The following SLC25A25 variants were observed in gnomAD, a reference collection of about 807,000 sequenced individuals.
SLC25A25 encodes solute carrier family 25 member 25, also known as mitochondrial adenyl nucleotide antiporter SLC25A25.
In SLC25A25, 32 loss-of-function variants were observed where a neutral mutation model predicts 57.7. The ratio of observed to expected loss-of-function variants is 0.55; its 90% CI spans 0.42 to 0.74. The LOEUF (loss-of-function observed/expected upper bound fraction) is 0.74, where lower values mean the gene tolerates loss of function less well. Among genes scored for constraint, SLC25A25 ranks in the 30% least tolerant of loss-of-function variants. The pLI is 0.00. For missense variants in SLC25A25, 556 were observed against 701.3 expected, an observed-to-expected ratio of 0.79 and a Z score of 2.34; for synonymous variants, 306 against 291.2, an observed-to-expected ratio of 1.05 and a Z score of -0.52.
intron 1 of SLC25A25, among the ~76,000 whole-genome samples, chr9:128,096,519 A>G (rs1833563101): frequency 8.6e-6 from 1 of 116,672 alleles, no homozygotes; most frequent in Non-Finnish European, 1.9e-5. Flanking sequence ...CAAAAATAAT[A>G]ATAATAATGA....
Position 128,102,547 on chromosome 9 carries a change from G to A in SLC25A25, c.624+66G>A, listed in dbSNP as rs1443006336. 6.0e-6 allele frequency: 8 copies of A among 1,340,112 alleles called. No homozygotes were observed. The highest frequency in any genetic ancestry group is 2.9e-5 in the African/African-American group (2 of 68,864). The allele number at this position is 1,340,112 out of a possible 1,614,324, so 83.0% of individuals were successfully genotyped here. A position where few individuals can be genotyped will look rare whatever the true frequency, so the allele number is the denominator to read the frequency against. ...ACCCTTAGCCCAGAGTCACCCAGTC[G>A]TCCCCATCCCAGAGTGCAGCTGGGG... is the stretch of plus-strand genomic sequence containing the variant. On this transcript the variant is annotated intron_variant, in intron 5 of 10. Coordinates refer to ENST00000373069, the MANE Select transcript of SLC25A25 (RefSeq NM_001330988.2). This position sits in a 1 kb window ranked among gnomAD's most constrained non-coding sequence, Gnocchi z 4.1.
At chr9:128,069,807 A>T (rs1198953965) in intron 1 of SLC25A25, among the ~76,000 whole-genome samples, 5 of 152,158 alleles carry the variant, frequency 3.3e-5, no homozygotes, top group South Asian at 2.1e-4. Flanking sequence ...GCTGGAGTGC[A>T]TTGGTGCAAT....
At chr9:128,104,557 C>T (rs1180762865) in intron 6 of SLC25A25, among the ~76,000 whole-genome samples, 2 of 152,238 alleles carry the variant, frequency 1.3e-5, no homozygotes, top group Non-Finnish European at 2.9e-5. Context: ...ACCCCTTTCC[C>T]TCCCAGGACT....
At chr9:128,091,315 G>A in intron 1 of SLC25A25, 2 of 482,544 alleles carry the variant, frequency 4.1e-6, no homozygotes, top group Non-Finnish European at 5.4e-6. Context: ...CAGAATTGCC[G>A]GGCTTCATGC....
Position 128,103,871 on chromosome 9 carries a change from G to A in SLC25A25, c.783+32G>A. ...AGGGAAAAGGCCCCAGACCCCTGGGGGGCCAGTTTCCACCTGGGGGATGCT... is the reference window on the plus strand; with the variant it reads ...AGGGAAAAGGCCCCAGACCCCTGGGAGGCCAGTTTCCACCTGGGGGATGCT... On this transcript the variant is annotated intron_variant, in intron 6 of 10. Coordinates refer to ENST00000373069, the MANE Select transcript of SLC25A25 (RefSeq NM_001330988.2). The surrounding 1 kb of genome is among the most constrained non-coding windows in gnomAD (Gnocchi z 6.7). 1 of 1,499,194 alleles carries A rather than the reference G, an allele frequency of 6.7e-7. No homozygotes were observed. Among genetic ancestry groups the A allele is most frequent in the South Asian group, 1.3e-5 (1 of 74,484 alleles). 92.9% of individuals were successfully genotyped at this position (1,499,194 alleles called of 1,614,324 possible). A position where few individuals can be genotyped will look rare whatever the true frequency, so the allele number is the denominator to read the frequency against.
intron 1 of SLC25A25, among the ~76,000 whole-genome samples, chr9:128,074,381 G>A (rs1832967008): frequency 6.6e-6 from 1 of 151,668 alleles, no homozygotes; most frequent in African/African-American, 2.4e-5. Flanking sequence ...TTGGAAAGAT[G>A]CAGTCCCATA....
At chr9:128,077,841 C>T (rs1242310855) in intron 1 of SLC25A25, among the ~76,000 whole-genome samples, 1 of 151,976 alleles carries the variant, frequency 6.6e-6, no homozygotes, top group Non-Finnish European at 1.5e-5. Flanking sequence ...GCCTGGCCAA[C>T]ATGTAGAAAC....
intron 1 of SLC25A25, among the ~76,000 whole-genome samples, chr9:128,076,337 C>T (rs534465109): frequency 8.7e-4 from 133 of 152,038 alleles, no homozygotes; most frequent in Middle Eastern, 3.4e-3. Context: ...TCCTATGTTG[C>T]TCAGGCTGGT....
rs1833813033 is a variant in SLC25A25 at position 128,101,909 on chromosome 9, C to T, written c.477-171C>T. Among the ~76,000 whole-genome samples the T allele has an allele frequency of 1.3e-5, 2 of 152,250 alleles. No homozygotes were observed. Among genetic ancestry groups the T allele is most frequent in the Admixed American group, 1.3e-4 (2 of 15,286 alleles). On this transcript the variant is annotated intron_variant, in intron 3 of 10. Coordinates refer to ENST00000373069, the MANE Select transcript of SLC25A25 (RefSeq NM_001330988.2). This position sits in a 1 kb window ranked among gnomAD's most constrained non-coding sequence, Gnocchi z 4.9. ...CCTTCCGGAAACCCTGCGGTCTGAA[C>T]ACTGGCTGGTCCTCGGGGACAGCAG...
chr9:128,089,415 G>C (rs952928654), intron 1 of SLC25A25, among the ~76,000 whole-genome samples: 3 of 152,148 alleles, frequency 2.0e-5, no homozygotes, highest in Admixed American at 2.0e-4. Flanking sequence ...GAAGCACAGA[G>C]AGCTGAAGTA....
chr9:128,077,238 C>T (rs1298347828), intron 1 of SLC25A25, among the ~76,000 whole-genome samples: 2 of 152,176 alleles, frequency 1.3e-5, no homozygotes, highest in Non-Finnish European at 2.9e-5. Flanking sequence ...TTGAAAGAAG[C>T]CAGTCGCGGC....
chr9:128,105,787 G>A lies in SLC25A25; in HGVS notation c.842G>A (p.Arg281Gln), dbSNP rs144936572. Residue 281 changes from arginine to glutamine, a missense_variant, in exon 7 of 11, where the codon CGA becomes CAA. Around this residue, in one of 3 missense-constraint regions of SLC25A25, gnomAD observed 294 missense variants for 389.6 expected, o/e 0.75. Coordinates refer to ENST00000373069, the MANE Select transcript of SLC25A25 (RefSeq NM_001330988.2). Reference sequence around the variant, plus strand: ...GTTGGTGGCTTCACTCAGATGATTCGAGAAGGAGGGGCCAGGTCACTCTGG... The same window carrying A: ...GTTGGTGGCTTCACTCAGATGATTCAAGAAGGAGGGGCCAGGTCACTCTGG... The part of the protein sequence containing the change: ...GIVGGFTQMI[R>Q]EGGARSLWRG... 6 of 1,613,994 alleles carry A rather than the reference G, an allele frequency of 3.7e-6. No homozygotes were observed. The highest frequency in any genetic ancestry group is 1.1e-5 in the South Asian group (1 of 91,086).
chr9:128,073,102 G>A (rs1246476405), intron 1 of SLC25A25, among the ~76,000 whole-genome samples: 1 of 152,142 alleles, frequency 6.6e-6, no homozygotes, highest in Non-Finnish European at 1.5e-5. Context: ...ACTAGGGAAG[G>A]AACAATGGTT....
rs1833518444 is a variant in SLC25A25 at position 128,095,007 on chromosome 9, C to T, written c.262-6089C>T. Among the ~76,000 whole-genome samples, 2 of 152,194 alleles carry T rather than the reference C, an allele frequency of 1.3e-5. No homozygotes were observed. The highest frequency in any genetic ancestry group is 2.4e-5 in the African/African-American group (1 of 41,430). On this transcript the variant is annotated intron_variant, in intron 1 of 10. Transcript: ENST00000373069. This position sits in a 1 kb window ranked among gnomAD's most constrained non-coding sequence, Gnocchi z 4.4. ...GCAGCGAGGCATCGCACACAATGCGCGTTGTGCCCAGATCTTGGAGTGTCA... is the reference window on the plus strand; with the variant it reads ...GCAGCGAGGCATCGCACACAATGCGTGTTGTGCCCAGATCTTGGAGTGTCA...
intron 1 of SLC25A25, among the ~76,000 whole-genome samples, chr9:128,076,457 TTTTTA>T (rs199875253): frequency 0.02 from 2,681 of 133,370 alleles, 125 homozygotes; most frequent in African/African-American, 0.097. Context: ...TTTATTTTTA[TTTTTA>T]TTTTTATTTT....
chr9:128,099,323 A>G lies in SLC25A25; in HGVS notation c.262-1773A>G. 1.6e-6 allele frequency: 2 copies of G among 1,271,766 alleles called. No homozygotes were observed. The highest frequency in any genetic ancestry group is 1.3e-5 in the South Asian group (1 of 79,266). 78.8% of individuals were successfully genotyped at this position (1,271,766 alleles called of 1,614,324 possible). Reference sequence around the variant, plus strand: ...TTTGCAGATCCAAGGAAGGAGACAGAAGGAGGCCCAGGCCCTGTGAGGCAG... The same window carrying G: ...TTTGCAGATCCAAGGAAGGAGACAGGAGGAGGCCCAGGCCCTGTGAGGCAG... On this transcript the variant is annotated intron_variant, in intron 1 of 10. Transcript: ENST00000373069. The surrounding 1 kb of genome is among the most constrained non-coding windows in gnomAD (Gnocchi z 6.8).
rs532609821 is a variant in SLC25A25, at chr9:128,108,212, A to G, written c.*768A>G. ...CCTCAGAACCAAACTCACTGTCCCC[A>G]CTGTGGCATGAGGGCAGTGGAGCAC... On this transcript the variant is annotated 3_prime_UTR_variant, in exon 11 of 11. Coordinates refer to ENST00000373069, the MANE Select transcript of SLC25A25 (RefSeq NM_001330988.2). 31 of 399,228 alleles carry G rather than the reference A, an allele frequency of 7.8e-5. No homozygotes were observed. The South Asian group carries it at 1.0e-3, about 13-fold the overall frequency. The allele number at this position is 399,228 out of a possible 1,614,324, so 24.7% of individuals were successfully genotyped here. A position where few individuals can be genotyped will look rare whatever the true frequency, so the allele number is the denominator to read the frequency against.
At chr9:128,097,153 T>TA (rs1378795598) in intron 1 of SLC25A25, among the ~76,000 whole-genome samples, 1 of 152,242 alleles carries the variant, frequency 6.6e-6, no homozygotes, top group Non-Finnish European at 1.5e-5. Context: ...AGTGGGAAGA[T>TA]ATAGTCTATA....
chr9:128,068,234 A>C lies in SLC25A25; in HGVS notation c.-86A>C. 1 of 733,668 alleles carries C rather than the reference A, an allele frequency of 1.4e-6. No individual in the cohort carries two copies. Among genetic ancestry groups the C allele is most frequent in the East Asian group, 3.7e-5 (1 of 26,732 alleles). 45.4% of individuals were successfully genotyped at this position (733,668 alleles called of 1,614,324 possible). A position where few individuals can be genotyped will look rare whatever the true frequency, so the allele number is the denominator to read the frequency against. On this transcript the variant is annotated 5_prime_UTR_variant, in exon 1 of 11. Coordinates refer to ENST00000373069, the MANE Select transcript of SLC25A25 (RefSeq NM_001330988.2). ...TCTCCGAGCCCGCGCTCCCAGCTGC[A>C]GAGCGCCTGGCTTGCCTCCCGCGCG...
Sources: gnomAD v4.1 joint callset for allele counts (sites outside exome capture counted in the v4.1 genomes callset) on GRCh38, gnomAD v4.1.1 for gene constraint, gnomAD v4.1.1 regional missense constraint, Gnocchi (gnomAD v3.1) non-coding constraint, MANE v1.5 for transcripts, NCBI Gene and HGNC (gene_info 2026-07-23, HGNC 2026-07-21) for gene names.